Variants in STAG1 observed in about 807,000 individuals in gnomAD.
STAG1 encodes cohesin subunit SA-1.
A neutral mutation model predicts 170.9 loss-of-function variants in STAG1; 26 were observed. That is an observed-to-expected ratio of 0.15 (90% CI 0.11 to 0.21). The LOEUF (loss-of-function observed/expected upper bound fraction) is 0.21. Ranked by LOEUF, STAG1 falls within the 10% of genes least tolerant of loss-of-function variation. The pLI, the probability that STAG1 is intolerant of heterozygous loss-of-function variation, is 1.00. For synonymous variants in STAG1, 514 were observed against 497.7 expected (o/e 1.03, Z -0.44); for missense variants, 964 against 1,509.5 (o/e 0.64, Z 5.99).
intron 7 of STAG1, among the ~76,000 whole-genome samples, chr3:136,513,835 TA>T (rs1294845630): frequency 6.6e-6 from 1 of 151,322 alleles, no homozygotes; most frequent in Non-Finnish European, 1.5e-5. Flanking sequence ...CAAAAGATAA[TA>T]GGGGATCTAA....
At chr3:136,651,637 C>A (rs537071894) in intron 1 of STAG1, among the ~76,000 whole-genome samples, 1 of 151,966 alleles carries the variant, frequency 6.6e-6, no homozygotes, top group African/African-American at 2.4e-5. Context: ...ATATTTCCAA[C>A]TTTCTCTCTC....
At chr3:136,734,600 C>G (rs182502391) in intron 1 of STAG1, among the ~76,000 whole-genome samples, 2 of 152,286 alleles carry the variant, frequency 1.3e-5, no homozygotes, top group East Asian at 3.9e-4. Context: ...AGGGGGCACA[C>G]TGACAGGGAG....
At chr3:136,561,550 T>C (rs1936840572) in intron 5 of STAG1, among the ~76,000 whole-genome samples, 1 of 152,214 alleles carries the variant, frequency 6.6e-6, no homozygotes, top group Admixed American at 6.5e-5. Context: ...TCTCTATAAA[T>C]TCTGTATCTC....
At chr3:136,423,727 A>G (rs975448802) in intron 16 of STAG1, among the ~76,000 whole-genome samples, 2 of 152,202 alleles carry the variant, frequency 1.3e-5, no homozygotes, top group Admixed American at 6.5e-5. Context: ...GGGATTTGCC[A>G]TCATAATGTC....
At chr3:136,519,566 G>A (rs138896685) in intron 7 of STAG1, among the ~76,000 whole-genome samples, 1 of 151,710 alleles carries the variant, frequency 6.6e-6, no homozygotes, top group Non-Finnish European at 1.5e-5. Context: ...AATTTCCTAT[G>A]CATGTGACAA....
intron 10 of STAG1, among the ~76,000 whole-genome samples, chr3:136,476,002 G>T (rs2089740489): frequency 2.0e-5 from 3 of 152,298 alleles, no homozygotes; most frequent in Non-Finnish European, 4.4e-5. Context: ...GTCAAAATAA[G>T]AGTTATGATA....
intron 5 of STAG1, among the ~76,000 whole-genome samples, chr3:136,555,773 C>A (rs1440766417): frequency 6.6e-6 from 1 of 151,110 alleles, no homozygotes; most frequent in Non-Finnish European, 1.5e-5. Context: ...AATCATCCAA[C>A]AAAAATCTTC....
At chr3:136,645,994 T>C (rs1940996156) in intron 1 of STAG1, among the ~76,000 whole-genome samples, 1 of 152,190 alleles carries the variant, frequency 6.6e-6, no homozygotes, top group South Asian at 2.1e-4. Flanking sequence ...ACCTACTTCA[T>C]GTGCTACACT....
At chr3:136,689,446 G>A (rs2107895494) in intron 1 of STAG1, among the ~76,000 whole-genome samples, 1 of 152,250 alleles carries the variant, frequency 6.6e-6, no homozygotes, top group East Asian at 1.9e-4. Context: ...AAATCAATTT[G>A]TCAGTTATCA....
chr3:136,562,450 G>A (rs1026170964), intron 5 of STAG1, among the ~76,000 whole-genome samples: 14 of 149,596 alleles, frequency 9.4e-5, no homozygotes, highest in Non-Finnish European at 1.5e-4. Flanking sequence ...TAGTAGAGAC[G>A]GGGTTTCACC....
At chr3:136,639,721 C>T (rs547928112) in intron 1 of STAG1, among the ~76,000 whole-genome samples, 40 of 152,226 alleles carry the variant, frequency 2.6e-4, no homozygotes, top group Middle Eastern at 6.8e-3. Flanking sequence ...GATTTTCATA[C>T]AGAAATCATT....
At chr3:136,464,419 G>A (rs1052764055) in intron 13 of STAG1, among the ~76,000 whole-genome samples, 4 of 145,954 alleles carry the variant, frequency 2.7e-5, no homozygotes, top group Admixed American at 6.8e-5. Flanking sequence ...GCGAAACTCC[G>A]TCTCAAAAAA....
chr3:136,582,249 T>G (rs186324430), intron 4 of STAG1, among the ~76,000 whole-genome samples: 11 of 152,148 alleles, frequency 7.2e-5, no homozygotes, highest in Admixed American at 6.5e-4. Flanking sequence ...CACAAATGTA[T>G]CAAAGGTACA....
chr3:136,458,819 T>G (rs1171676871), intron 13 of STAG1, among the ~76,000 whole-genome samples: 1 of 152,136 alleles, frequency 6.6e-6, no homozygotes. Flanking sequence ...AGACTGAAAG[T>G]GAAGGTATGG....
chr3:136,728,865 C>T (rs930475468), intron 1 of STAG1, among the ~76,000 whole-genome samples: 1 of 152,122 alleles, frequency 6.6e-6, no homozygotes, highest in Non-Finnish European at 1.5e-5. Flanking sequence ...CTCCTAAACC[C>T]TAAGTGTTTT....
intron 5 of STAG1, among the ~76,000 whole-genome samples, chr3:136,563,885 T>C (rs139056798): frequency 0.016 from 2,501 of 152,056 alleles, 76 homozygotes; most frequent in African/African-American, 0.057. Flanking sequence ...TAGCTGGGCA[T>C]GGTGGTGCGT....
At chr3:136,488,276 C>T (rs2090055990) in intron 9 of STAG1, among the ~76,000 whole-genome samples, 1 of 152,202 alleles carries the variant, frequency 6.6e-6, no homozygotes, top group Non-Finnish European at 1.5e-5. Flanking sequence ...GCACGTGCCA[C>T]TGCATCCGGC....
At chr3:136,658,081 A>T (rs1269879296) in intron 1 of STAG1, among the ~76,000 whole-genome samples, 1 of 151,508 alleles carries the variant, frequency 6.6e-6, no homozygotes. Context: ...CCAACACTTC[A>T]GGGGGGGCTG....
rs1576494014 is a variant in STAG1, at chr3:136,464,896, T to C, written c.1298A>G (p.Glu433Gly). ...ATTAGCTCACTTTTTGTGAAGGAAC[T>C]CTCCAGCTGCCACAGCAACAGGGCG... The part of the protein sequence containing the change: ...AHRPVAVAAG[E>G]FLHKKLFSRH... The change falls in exon 13 of 34, where the codon GAG becomes GGG. Residue 433 changes from glutamate to glycine, a missense_variant. By Grantham distance (98) the Glu-to-Gly change is moderately conservative (BLOSUM62 -2). Transcript: ENST00000383202. 6.2e-7 allele frequency: 1 copy of C among 1,611,482 alleles called. No individual in the cohort carries two copies. Among genetic ancestry groups the C allele is most frequent in the Non-Finnish European group, 8.5e-7 (1 of 1,179,110 alleles).
Sources: gnomAD v4.1 joint callset for allele counts (sites outside exome capture counted in the v4.1 genomes callset) on GRCh38, gnomAD v4.1.1 for gene constraint, MANE v1.5 for transcripts, NCBI Gene and HGNC (gene_info 2026-07-23, HGNC 2026-07-21) for gene names.